Variants in CANT1 observed in about 807,000 individuals in gnomAD.
CANT1 encodes the protein soluble calcium-activated nucleotidase 1.
Under a neutral mutation model 30.0 loss-of-function variants are expected in CANT1, and 26 were observed. The observed-to-expected ratio is 0.87, with a 90% CI of 0.64 to 1.20. The LOEUF is 1.20. CANT1 is among the 50% of genes most tolerant of loss of function. CANT1 has a pLI of 0.00. For synonymous variants in CANT1, 246 were observed against 251.8 expected (o/e 0.98, Z 0.22); for missense variants, 518 against 563.0 (o/e 0.92, Z 0.81).
intron 1 of CANT1, among the ~76,000 whole-genome samples, chr17:78,999,258 C>T (rs1022426636): frequency 6.6e-6 from 1 of 152,172 alleles, no homozygotes; most frequent in African/African-American, 2.4e-5. Flanking sequence ...ACTCCATGCT[C>T]CCTTTAAGGG....
rs2071645953 is a variant in CANT1, at chr17:79,008,985, C to T, written c.-147+679G>A. 6.6e-6 allele frequency among the ~76,000 whole-genome samples: 1 copy of T among 152,178 alleles called. No individual in the cohort carries two copies. The highest frequency in any genetic ancestry group is 1.5e-5 in the Non-Finnish European group (1 of 68,024). On this transcript the variant is annotated intron_variant, in intron 1 of 4. Transcript: ENST00000392446. This position sits in a 1 kb window ranked among gnomAD's most constrained non-coding sequence, Gnocchi z 4.4. The stretch of plus-strand genomic sequence containing the variant: ...AGTGCCAGTCAGAGGGAGAAAATTC[C>T]CTTATCAGTCCAAGGAGACCCTGCA...
chr17:79,007,086 G>T (rs2071580274), intron 1 of CANT1, among the ~76,000 whole-genome samples: 1 of 152,222 alleles, frequency 6.6e-6, no homozygotes, highest in African/African-American at 2.4e-5. Context: ...GCAGCGTCCT[G>T]CCTGGGAACC....
intron 1 of CANT1, among the ~76,000 whole-genome samples, chr17:79,005,682 C>G (rs1449024009): frequency 6.6e-6 from 1 of 152,090 alleles, no homozygotes; most frequent in Admixed American, 6.5e-5. Flanking sequence ...GAAGAGCTAC[C>G]TTCCTTTCCC....
Position 78,993,233 on chromosome 17 carries a change from G to A in CANT1, c.*317C>T, listed in dbSNP as rs796402960. On this transcript the variant is annotated 3_prime_UTR_variant, in exon 5 of 5. Transcript: ENST00000392446. This position sits in a 1 kb window ranked among gnomAD's most constrained non-coding sequence, Gnocchi z 4.5. ...GGTAGGAGCTCTAGGGATATTCACTGAACAAAAGAACATAGGAAAGAAAAG... is the reference window on the plus strand; with the variant it reads ...GGTAGGAGCTCTAGGGATATTCACTAAACAAAAGAACATAGGAAAGAAAAG... 29 of 455,786 alleles carry A rather than the reference G, an allele frequency of 6.4e-5. No individual in the cohort carries two copies. The highest frequency in any genetic ancestry group is 5.6e-4 in the African/African-American group (29 of 51,448). The allele number at this position is 455,786 out of a possible 1,614,324, so 28.2% of individuals were successfully genotyped here.
rs966258678 is a variant in CANT1 at position 79,002,514 on chromosome 17, T to TGTAGACGCGGCCTGC, written c.-146-4566_-146-4552dup. On this transcript the variant is annotated intron_variant, in intron 1 of 4. Transcript: ENST00000392446. The surrounding 1 kb of genome is among the most constrained non-coding windows in gnomAD (Gnocchi z 4.0). ...CTTGGTGTGTAGACTCTGCCTGGTG[T>TGTAGACGCGGCCTGC]GTAGACGCGGCCTGCGTAGACGCGG... 1.3e-5 allele frequency among the ~76,000 whole-genome samples: 2 copies of TGTAGACGCGGCCTGC among 152,042 alleles called. No homozygotes were observed. The highest frequency in any genetic ancestry group is 2.4e-5 in the African/African-American group (1 of 41,384).
Position 79,008,420 on chromosome 17 carries a change from T to G in CANT1, c.-147+1244A>C, listed in dbSNP as rs148413108. ...TTCCTTTTAGGAGCCTTCTACGACC[T>G]GACACTTGTTTCAAGTTTGGGCCCT... is the stretch of plus-strand genomic sequence containing the variant. On this transcript the variant is annotated intron_variant, in intron 1 of 4. Coordinates refer to ENST00000392446, the MANE Select transcript of CANT1 (RefSeq NM_001159773.2). This position sits in a 1 kb window ranked among gnomAD's most constrained non-coding sequence, Gnocchi z 4.4. 0.013 allele frequency among the ~76,000 whole-genome samples: 2,025 copies of G among 152,300 alleles called. 36 individuals are homozygous for G. The highest frequency in any genetic ancestry group is 0.046 in the African/African-American group (1,893 of 41,546).
chr17:78,994,409 T>A lies in CANT1; in HGVS notation c.836-489A>T, dbSNP rs528495444. Among the ~76,000 whole-genome samples, 194 of 152,328 alleles carry A rather than the reference T, an allele frequency of 1.3e-3. 1 individual carries two copies. Among genetic ancestry groups the A allele is most frequent in the African/African-American group, 4.4e-3 (184 of 41,580 alleles). ...GGAGGCCAAAGTGCTGCTGGCCCTATGTTGGTGTGGAACACCACGGCCCAG... is the reference window on the plus strand; with the variant it reads ...GGAGGCCAAAGTGCTGCTGGCCCTAAGTTGGTGTGGAACACCACGGCCCAG... On this transcript the variant is annotated intron_variant, in intron 4 of 4. Transcript: ENST00000392446.
chr17:78,997,665 G>A lies in CANT1; in HGVS notation c.-22-21C>T, dbSNP rs1324099494. 4.6e-6 allele frequency: 7 copies of A among 1,518,856 alleles called. No individual in the cohort carries two copies. Among genetic ancestry groups the A allele is most frequent in the South Asian group, 2.6e-5 (2 of 76,122 alleles). 94.1% of individuals were successfully genotyped at this position (1,518,856 alleles called of 1,614,324 possible). A position where few individuals can be genotyped will look rare whatever the true frequency, so the allele number is the denominator to read the frequency against. ...GGGACCTGCACAGCCAGGGAGGGAG[G>A]AGAGGAGTCAGCGCCTCCGCAAGCC... On this transcript the variant is annotated intron_variant, in intron 2 of 4. Transcript: ENST00000392446. This position sits in a 1 kb window ranked among gnomAD's most constrained non-coding sequence, Gnocchi z 7.5.
In CANT1 at chr17:79,002,263, C is replaced by A. The variant is rs1437292783; in HGVS notation, c.-146-4300G>T. Among the ~76,000 whole-genome samples the A allele has an allele frequency of 6.6e-6, 1 of 152,136 alleles. No homozygotes were observed. The highest frequency in any genetic ancestry group is 1.5e-5 in the Non-Finnish European group (1 of 68,012). On this transcript the variant is annotated intron_variant, in intron 1 of 4. Transcript: ENST00000392446. The surrounding 1 kb of genome is among the most constrained non-coding windows in gnomAD (Gnocchi z 4.0). ...AAAGATTGGACACCCCTGATATAGA[C>A]CATCTGGGCTCAGCCAAGGGACTTC...
chr17:79,000,718 C>T (rs1449721188), intron 1 of CANT1, among the ~76,000 whole-genome samples: 2 of 152,206 alleles, frequency 1.3e-5, no homozygotes, highest in Admixed American at 6.5e-5. Flanking sequence ...GCAGTTCCCC[C>T]TGCCTGGAAC....
In CANT1 at chr17:79,002,795, G is replaced by C. The variant is rs1329830850; in HGVS notation, c.-146-4832C>G. Among the ~76,000 whole-genome samples the C allele has an allele frequency of 1.3e-5, 2 of 152,234 alleles. No individual in the cohort carries two copies. Among genetic ancestry groups the C allele is most frequent in the Non-Finnish European group, 2.9e-5 (2 of 68,036 alleles). Reference sequence around the variant, plus strand: ...TAGTAGATCCCAATGCCTTCCATCTGAAGGACAAACGTCTCAGCCTGCAGA... The same window carrying C: ...TAGTAGATCCCAATGCCTTCCATCTCAAGGACAAACGTCTCAGCCTGCAGA... On this transcript the variant is annotated intron_variant, in intron 1 of 4. Transcript: ENST00000392446. The surrounding 1 kb of genome is among the most constrained non-coding windows in gnomAD (Gnocchi z 4.0).
chr17:79,009,204 G>A (rs1163546646), intron 1 of CANT1, among the ~76,000 whole-genome samples: 1 of 145,340 alleles, frequency 6.9e-6, no homozygotes, highest in Non-Finnish European at 1.5e-5. Context: ...GAGCGGGGAG[G>A]TGCCCCACAG....
At chr17:79,001,599 G>C (rs535138827) in intron 1 of CANT1, among the ~76,000 whole-genome samples, 3 of 103,314 alleles carry the variant, frequency 2.9e-5, no homozygotes, top group African/African-American at 1.1e-4. Flanking sequence ...CATGGTACAA[G>C]AGCACCCACA....
intron 1 of CANT1, among the ~76,000 whole-genome samples, chr17:79,001,691 T>C (rs370612140): frequency 1.3e-5 from 2 of 151,748 alleles, no homozygotes; most frequent in African/African-American, 2.4e-5. Context: ...AGTGAGCACA[T>C]TGTCAGTGTC....
intron 1 of CANT1, among the ~76,000 whole-genome samples, chr17:78,999,445 C>G (rs943244581): frequency 1.3e-5 from 2 of 152,094 alleles, no homozygotes; most frequent in Non-Finnish European, 2.9e-5. Context: ...CCACTGAGCT[C>G]GAATTACTCT....
At position 78,997,003 on chromosome 17, in the gene CANT1, G is replaced by A. The variant is rs1395763505; in HGVS notation, c.620C>T (p.Thr207Ile). ...PWVILSDGDG[T>I]VEKGFKAEWL... ...CAGGGTCCAGTTACCTTTCTCCACG[G>A]TGCCGTCGCCGTCGGACAGAATCAC... The change falls in exon 3 of 5, where the codon ACC (threonine) becomes ATC (isoleucine). Residue 207 changes from threonine (T) to isoleucine (I), a missense_variant. Physicochemically the swap from Thr to Ile is moderately conservative, Grantham distance 89. Coordinates refer to ENST00000392446, the MANE Select transcript of CANT1 (RefSeq NM_001159773.2). The surrounding 1 kb of genome is among the most constrained non-coding windows in gnomAD (Gnocchi z 7.5). 1 of 1,614,104 alleles carries A rather than the reference G, an allele frequency of 6.2e-7. No individual in the cohort carries two copies. The highest frequency in any genetic ancestry group is 8.5e-7 in the Non-Finnish European group (1 of 1,180,048).
chr17:78,997,713 G>A lies in CANT1; in HGVS notation c.-22-69C>T. ...GCCCAGTCACATCTTAGTTCCGGAA[G>A]CTGCAGGCGCTGGAGGCTGACTTTT... is the stretch of plus-strand genomic sequence containing the variant. On this transcript the variant is annotated intron_variant, in intron 2 of 4. Coordinates refer to ENST00000392446, the MANE Select transcript of CANT1 (RefSeq NM_001159773.2). This position sits in a 1 kb window ranked among gnomAD's most constrained non-coding sequence, Gnocchi z 7.5. 7.3e-7 allele frequency: 1 copy of A among 1,369,762 alleles called. No homozygotes were observed. Among genetic ancestry groups the A allele is most frequent in the Non-Finnish European group, 9.7e-7 (1 of 1,027,338 alleles). 84.9% of individuals were successfully genotyped at this position (1,369,762 alleles called of 1,614,324 possible). A position where few individuals can be genotyped will look rare whatever the true frequency, so the allele number is the denominator to read the frequency against.
Position 78,994,008 on chromosome 17 carries a change from G to A in CANT1, c.836-88C>T, listed in dbSNP as rs551222655. The A allele has an allele frequency of 2.5e-4, 370 of 1,478,490 alleles. 4 individuals are homozygous for A. The South Asian group carries it at 4.6e-3, about 18-fold the overall frequency. The allele number at this position is 1,478,490 out of a possible 1,614,324, so 91.6% of individuals were successfully genotyped here. ...TCAGGCCGTGCGCAGTAGCAGGCAAGGGGCTGCGACCACCAGGGCCCACCA... is the reference window on the plus strand; with the variant it reads ...TCAGGCCGTGCGCAGTAGCAGGCAAAGGGCTGCGACCACCAGGGCCCACCA... On this transcript the variant is annotated intron_variant, in intron 4 of 4. Coordinates refer to ENST00000392446, the MANE Select transcript of CANT1 (RefSeq NM_001159773.2).
chr17:78,992,388 C>T lies in CANT1; in HGVS notation c.*1162G>A. 1 of 284,970 alleles carries T rather than the reference C, an allele frequency of 3.5e-6. No homozygotes were observed. Among genetic ancestry groups the T allele is most frequent in the Non-Finnish European group, 6.8e-6 (1 of 146,168 alleles). 17.7% of individuals were successfully genotyped at this position (284,970 alleles called of 1,614,324 possible). On this transcript the variant is annotated 3_prime_UTR_variant, in exon 5 of 5. Transcript: ENST00000392446. The stretch of plus-strand genomic sequence containing the variant: ...ACTGTGAATGATGGAAACGTCCCTT[C>T]TCAGCCTGGGTCGTGCCTAACCTGG...
Sources: allele counts gnomAD v4.1 joint callset (sites outside exome capture counted in the v4.1 genomes callset), GRCh38; gene constraint gnomAD v4.1.1; non-coding constraint Gnocchi (gnomAD v3.1); transcripts MANE v1.5; gene names NCBI Gene and HGNC (gene_info 2026-07-23, HGNC 2026-07-21).